The following ARHGAP15 variants were observed in gnomAD, a reference collection of about 807,000 sequenced individuals.
The protein encoded by ARHGAP15 is rho GTPase-activating protein 15.
ARHGAP15 carries 51 observed loss-of-function variants against 63.7 expected under a neutral mutation model. The observed-to-expected ratio is 0.80, with a 90% CI of 0.64 to 1.01. The LOEUF is 1.01. ARHGAP15 is among the 50% of genes least tolerant of loss of function. ARHGAP15 has a pLI of 0.00. For synonymous variants in ARHGAP15, 191 were observed against 193.8 expected, an observed-to-expected ratio of 0.99 and a Z score of 0.12; for missense variants, 560 against 564.6, an observed-to-expected ratio of 0.99 and a Z score of 0.08.
chr2:143,528,859 T>C (rs894323775), intron 10 of ARHGAP15, among the ~76,000 whole-genome samples: 2 of 152,076 alleles, frequency 1.3e-5, no homozygotes, highest in African/African-American at 4.8e-5. Flanking sequence ...TATTACATAG[T>C]CTAATATTGG....
chr2:143,375,590 C>G (rs1383585300), intron 6 of ARHGAP15, among the ~76,000 whole-genome samples: 1 of 152,168 alleles, frequency 6.6e-6, no homozygotes, highest in Non-Finnish European at 1.5e-5. Context: ...TGGTGACATA[C>G]ATAAAGACAT....
At chr2:143,310,349 T>C (rs956915105) in intron 6 of ARHGAP15, among the ~76,000 whole-genome samples, 1 of 152,066 alleles carries the variant, frequency 6.6e-6, no homozygotes, top group Non-Finnish European at 1.5e-5. Context: ...AATGATTGTA[T>C]TATATCGGTA....
chr2:143,512,599 C>G (rs1302125533), intron 9 of ARHGAP15, among the ~76,000 whole-genome samples: 1 of 152,222 alleles, frequency 6.6e-6, no homozygotes, highest in African/African-American at 2.4e-5. Flanking sequence ...TAATCCCTTT[C>G]TTGAAACGTT....
At chr2:143,151,474 T>C (rs1425354145) in intron 1 of ARHGAP15, among the ~76,000 whole-genome samples, 2 of 151,968 alleles carry the variant, frequency 1.3e-5, no homozygotes, top group Non-Finnish European at 2.9e-5. Flanking sequence ...AGTTTCCAGT[T>C]TGAGATTCAG....
At chr2:143,285,774 C>A (rs367844058) in intron 6 of ARHGAP15, among the ~76,000 whole-genome samples, 3 of 152,156 alleles carry the variant, frequency 2.0e-5, no homozygotes, top group Admixed American at 1.3e-4. Flanking sequence ...ATATTCCATA[C>A]AGATGGAATC....
intron 6 of ARHGAP15, among the ~76,000 whole-genome samples, chr2:143,264,242 CA>C (rs1307329877): frequency 6.6e-6 from 1 of 151,892 alleles, no homozygotes; most frequent in Admixed American, 6.6e-5. Context: ...AAGCTGAAGC[CA>C]TAGAGTTGTC....
intron 12 of ARHGAP15, among the ~76,000 whole-genome samples, chr2:143,675,620 C>T (rs949184157): frequency 3.9e-5 from 6 of 152,166 alleles, no homozygotes; most frequent in Admixed American, 6.6e-5. Context: ...TCCATTAGAG[C>T]GGTAATACAT....
chr2:143,568,419 A>T (rs192167705), intron 11 of ARHGAP15, among the ~76,000 whole-genome samples: 1 of 152,370 alleles, frequency 6.6e-6, no homozygotes, highest in Admixed American at 6.5e-5. Flanking sequence ...AAAAATGCTC[A>T]TCATCACTGG....
At chr2:143,474,445 C>T (rs1167785658) in intron 8 of ARHGAP15, among the ~76,000 whole-genome samples, 1 of 152,160 alleles carries the variant, frequency 6.6e-6, no homozygotes, top group Non-Finnish European at 1.5e-5. Flanking sequence ...ATGGCAATTA[C>T]TGCATTTAGA....
chr2:143,655,839 A>G (rs1681406383), intron 12 of ARHGAP15, among the ~76,000 whole-genome samples: 1 of 152,194 alleles, frequency 6.6e-6, no homozygotes, highest in Non-Finnish European at 1.5e-5. Flanking sequence ...GCCAAAAAAA[A>G]AAAGTTCCAA....
At chr2:143,334,219 A>AT (rs1264535365) in intron 6 of ARHGAP15, among the ~76,000 whole-genome samples, 3 of 152,076 alleles carry the variant, frequency 2.0e-5, no homozygotes, top group Admixed American at 6.6e-5. Flanking sequence ...GATCTCTCTA[A>AT]TTTTTCTTAA....
chr2:143,414,394 T>TA (rs1230902579), intron 6 of ARHGAP15, among the ~76,000 whole-genome samples: 9 of 152,012 alleles, frequency 5.9e-5, no homozygotes. Flanking sequence ...AGAAATGTCT[T>TA]ACAAAAAGTA....
chr2:143,678,916 A>G (rs1406024615), intron 12 of ARHGAP15, among the ~76,000 whole-genome samples: 1 of 152,176 alleles, frequency 6.6e-6, no homozygotes, highest in South Asian at 2.1e-4. Flanking sequence ...GAAAGCATAC[A>G]TTTTTTAGTG....
intron 12 of ARHGAP15, among the ~76,000 whole-genome samples, chr2:143,663,309 C>G (rs1162842087): frequency 1.3e-5 from 2 of 151,564 alleles, no homozygotes; most frequent in African/African-American, 4.9e-5. Context: ...CATACCCAGC[C>G]AAACTAAGCT....
At chr2:143,378,593 C>G (rs1192766963) in intron 6 of ARHGAP15, among the ~76,000 whole-genome samples, 1 of 152,064 alleles carries the variant, frequency 6.6e-6, no homozygotes, top group Non-Finnish European at 1.5e-5. Context: ...AACTTTGAAT[C>G]ACTCAAGAGT....
intron 6 of ARHGAP15, among the ~76,000 whole-genome samples, chr2:143,304,956 C>A (rs1341092261): frequency 6.6e-6 from 1 of 151,956 alleles, no homozygotes; most frequent in Non-Finnish European, 1.5e-5. Flanking sequence ...TACCATTGGA[C>A]CTAGCAATCC....
chr2:143,471,474 A>G (rs1422841976), intron 8 of ARHGAP15, among the ~76,000 whole-genome samples: 1 of 152,112 alleles, frequency 6.6e-6, no homozygotes, highest in Non-Finnish European at 1.5e-5. Context: ...TATTAAAAGA[A>G]GTAAAATACA....
At chr2:143,478,179 C>T (rs1270622343) in intron 8 of ARHGAP15, among the ~76,000 whole-genome samples, 1 of 152,162 alleles carries the variant, frequency 6.6e-6, no homozygotes, top group Non-Finnish European at 1.5e-5. Context: ...GAACTCAATT[C>T]ATGTCCATGG....
chr2:143,417,227 T>G (rs1162467934), intron 6 of ARHGAP15, among the ~76,000 whole-genome samples: 1 of 152,164 alleles, frequency 6.6e-6, no homozygotes, highest in Non-Finnish European at 1.5e-5. Flanking sequence ...ATATGCTCAT[T>G]ACTTGTCACA....
Sources: gnomAD v4.1 joint callset for allele counts (sites outside exome capture counted in the v4.1 genomes callset) on GRCh38, gnomAD v4.1.1 for gene constraint, MANE v1.5 for transcripts, NCBI Gene and HGNC (gene_info 2026-07-23, HGNC 2026-07-21) for gene names.